SOCS5: variants seen among roughly 807,000 people sequenced by gnomAD.
SOCS5 encodes the protein CIS-6.
SOCS5 carries 32 observed loss-of-function variants against 42.8 expected under a neutral mutation model. The observed-to-expected ratio is 0.75, with a 90% CI of 0.56 to 1.01. The LOEUF (loss-of-function observed/expected upper bound fraction) is 1.01. Among genes scored for constraint, SOCS5 ranks in the 50% least tolerant of loss-of-function variants. The pLI is 0.00. For missense variants in SOCS5, 627 were observed against 653.0 expected, an observed-to-expected ratio of 0.96 and a Z score of 0.43; for synonymous variants, 283 against 229.6, an observed-to-expected ratio of 1.23 and a Z score of -2.10.
At chr2:46,713,251 G>A (rs1672668151) in intron 1 of SOCS5, among the ~76,000 whole-genome samples, 1 of 152,202 alleles carries the variant, frequency 6.6e-6, no homozygotes, top group Non-Finnish European at 1.5e-5. Flanking sequence ...AGCTACTCAG[G>A]AGGTTGAGGC....
intron 1 of SOCS5, among the ~76,000 whole-genome samples, chr2:46,758,190 A>G (rs1673770255): frequency 6.6e-6 from 1 of 152,258 alleles, no homozygotes; most frequent in South Asian, 2.1e-4. Flanking sequence ...CCTTTGTAAT[A>G]TTCAAATTAA....
intron 1 of SOCS5, among the ~76,000 whole-genome samples, chr2:46,756,082 G>A (rs1190570037): frequency 1.3e-5 from 2 of 152,314 alleles, no homozygotes; most frequent in South Asian, 4.1e-4. Flanking sequence ...GCCCTGGCAA[G>A]TACAAATGTT....
At chr2:46,730,660 G>C (rs892926580) in intron 1 of SOCS5, among the ~76,000 whole-genome samples, 23 of 152,270 alleles carry the variant, frequency 1.5e-4, no homozygotes, top group African/African-American at 5.5e-4. Context: ...TTTTTCCCAT[G>C]AAATATTAAA....
Position 46,759,105 on chromosome 2 carries a change from G to A in SOCS5, c.575G>A (p.Arg192Lys). ...ACTGTGGGCTTGTGTTTTCCCATGA[G>A]AACTTACAGCAAGCAGTCAAAGCCT... ...QDTVGLCFPM[R>K]TYSKQSKPLF... The change falls in exon 2 of 2, where the codon AGA (arginine) becomes AAA (lysine). Residue 192 changes from arginine to lysine, a missense_variant. Arg to Lys is a conservative substitution (Grantham distance 26). This residue lies in a region of SOCS5 where 278 missense variants were observed against 246.3 expected (regional missense o/e 1.13). Transcript: ENST00000394861. 3 of 1,613,930 alleles carry A rather than the reference G, an allele frequency of 1.9e-6. No homozygotes were observed. Among genetic ancestry groups the A allele is most frequent in the Non-Finnish European group, 2.5e-6 (3 of 1,179,834 alleles).
intron 1 of SOCS5, among the ~76,000 whole-genome samples, chr2:46,704,649 G>T (rs901671581): frequency 6.6e-6 from 1 of 152,152 alleles, no homozygotes; most frequent in Non-Finnish European, 1.5e-5. Context: ...GGTCTTGTAA[G>T]CCTCATCATT....
At chr2:46,746,390 G>A (rs1027483802) in intron 1 of SOCS5, among the ~76,000 whole-genome samples, 7 of 152,044 alleles carry the variant, frequency 4.6e-5, no homozygotes, top group Non-Finnish European at 8.8e-5. Context: ...GGTGGCTCAC[G>A]CCTGTAATCC....
chr2:46,702,478 T>C (rs1672366175), intron 1 of SOCS5, among the ~76,000 whole-genome samples: 1 of 152,178 alleles, frequency 6.6e-6, no homozygotes, highest in Non-Finnish European at 1.5e-5. Context: ...AACAAAAATA[T>C]TAATAATTGA....
At chr2:46,754,859 G>C (rs1673700909) in intron 1 of SOCS5, among the ~76,000 whole-genome samples, 1 of 152,164 alleles carries the variant, frequency 6.6e-6, no homozygotes, top group African/African-American at 2.4e-5. Flanking sequence ...TTAAGAAGCT[G>C]TAGTTATGAC....
chr2:46,729,694 G>T (rs1334189699), intron 1 of SOCS5, among the ~76,000 whole-genome samples: 1 of 152,172 alleles, frequency 6.6e-6, no homozygotes, highest in Non-Finnish European at 1.5e-5. Context: ...TGAGTGAGTG[G>T]TGTGTGAATG....
chr2:46,700,859 A>T (rs1478122824), intron 1 of SOCS5, among the ~76,000 whole-genome samples: 1 of 152,102 alleles, frequency 6.6e-6, no homozygotes, highest in African/African-American at 2.4e-5. Context: ...TTAATTTTAT[A>T]TATGTTAGTA....
intron 1 of SOCS5, among the ~76,000 whole-genome samples, chr2:46,705,792 G>C (rs935315809): frequency 1.3e-5 from 2 of 152,176 alleles, no homozygotes; most frequent in African/African-American, 2.4e-5. Context: ...TTAAAAGACG[G>C]ACTGGCAGTG....
intron 1 of SOCS5, among the ~76,000 whole-genome samples, chr2:46,730,760 G>T (rs528801569): frequency 1.3e-5 from 2 of 152,098 alleles, no homozygotes; most frequent in Non-Finnish European, 2.9e-5. Context: ...TCACATTTCC[G>T]GAGTCTGCTT....
intron 1 of SOCS5, among the ~76,000 whole-genome samples, chr2:46,741,263 G>A (rs1347958523): frequency 6.6e-6 from 1 of 151,490 alleles, no homozygotes; most frequent in African/African-American, 2.4e-5. Context: ...TATTTGAAAC[G>A]GAGTCTCGCT....
At chr2:46,744,619 C>G (rs545612533) in intron 1 of SOCS5, among the ~76,000 whole-genome samples, 17 of 151,746 alleles carry the variant, frequency 1.1e-4, no homozygotes, top group African/African-American at 4.1e-4. Flanking sequence ...CCTCTGCCTC[C>G]CAGGTTCAAG....
intron 1 of SOCS5, among the ~76,000 whole-genome samples, chr2:46,753,704 A>G (rs938029640): frequency 6.6e-6 from 1 of 151,956 alleles, no homozygotes; most frequent in Non-Finnish European, 1.5e-5. Flanking sequence ...TACTTATGGT[A>G]TTTCTTGATT....
intron 1 of SOCS5, among the ~76,000 whole-genome samples, chr2:46,727,773 T>C (rs1673029543): frequency 1.3e-5 from 2 of 152,178 alleles, no homozygotes; most frequent in African/African-American, 4.8e-5. Flanking sequence ...TAATCAACTT[T>C]ATGGATTCAC....
intron 1 of SOCS5, among the ~76,000 whole-genome samples, chr2:46,717,005 T>G (rs973093385): frequency 6.6e-6 from 1 of 152,216 alleles, no homozygotes; most frequent in Non-Finnish European, 1.5e-5. Context: ...TCTAAATCGT[T>G]GGAGAGTGTC....
chr2:46,729,577 A>G (rs185703470), intron 1 of SOCS5, among the ~76,000 whole-genome samples: 19 of 152,338 alleles, frequency 1.2e-4, no homozygotes, highest in African/African-American at 4.6e-4. Flanking sequence ...CTATACACAA[A>G]GGGTACAGTA....
chr2:46,759,488 G>A lies in SOCS5; in HGVS notation c.958G>A (p.Ala320Thr). The A allele has an allele frequency of 1.9e-6, 3 of 1,614,012 alleles. No homozygotes were observed. Among genetic ancestry groups the A allele is most frequent in the Non-Finnish European group, 1.7e-6 (2 of 1,179,876 alleles). Residue 320 changes from alanine (A) to threonine (T), a missense_variant, in exon 2 of 2, where the codon GCT becomes ACT. Ala to Thr is a moderately conservative substitution (Grantham distance 58). Transcript: ENST00000394861. ...ISGDSSAIPQ[A>T]NCDSEEDTTT... ...TGGGGACAGTTCTGCAATTCCACAA[G>A]CTAATTGTGACTCGGAAGAGGATAC... is the stretch of plus-strand genomic sequence containing the variant.
Sources: gnomAD v4.1 joint callset for allele counts (sites outside exome capture counted in the v4.1 genomes callset) on GRCh38, gnomAD v4.1.1 for gene constraint, gnomAD v4.1.1 regional missense constraint, MANE v1.5 for transcripts, NCBI Gene and HGNC (gene_info 2026-07-23, HGNC 2026-07-21) for gene names.